Variants in SGPL1 observed in about 807,000 individuals in gnomAD.
The protein encoded by SGPL1 is SP-lyase 1.
Under a neutral mutation model 68.9 loss-of-function variants are expected in SGPL1, and 37 were observed. The ratio of observed to expected loss-of-function variants is 0.54; its 90% CI spans 0.41 to 0.71. The LOEUF is 0.71. Ranked by LOEUF, SGPL1 falls within the 30% of genes least tolerant of loss-of-function variation. The pLI, the probability that SGPL1 is intolerant of heterozygous loss-of-function variation, is 0.00. For synonymous variants in SGPL1, 236 were observed against 248.5 expected (o/e 0.95, Z 0.47); for missense variants, 551 against 704.6 (o/e 0.78, Z 2.47).
At chr10:70,848,666 T>A (rs1352523755) in intron 3 of SGPL1, among the ~76,000 whole-genome samples, 1 of 152,100 alleles carries the variant, frequency 6.6e-6, no homozygotes, top group Non-Finnish European at 1.5e-5. Context: ...GGTTTCACCA[T>A]GTTGGTCAGG....
intron 2 of SGPL1, among the ~76,000 whole-genome samples, chr10:70,835,735 CAA>C (rs66962270): frequency 4.7e-4 from 33 of 70,130 alleles, no homozygotes; most frequent in African/African-American, 1.2e-3. Flanking sequence ...GACTCCGTCT[CAA>C]AAAAAAAAAA....
rs866645975 is a variant in SGPL1, at chr10:70,857,145, T to C, written c.410-469T>C. 7 of 170,398 alleles carry C rather than the reference T, an allele frequency of 4.1e-5. No individual in the cohort carries two copies. The South Asian group carries it at 5.5e-4, about 13-fold the overall frequency. 10.6% of individuals were successfully genotyped at this position (170,398 alleles called of 1,614,324 possible). On this transcript the variant is annotated intron_variant, in intron 5 of 14. Transcript: ENST00000373202. ...GCTGGTTTCATCTCTGATGATAGTG[T>C]GCTGAAATTTCACACTTTTCATTTT...
Position 70,876,674 on chromosome 10 carries a change from G to T in SGPL1, c.1566+13G>T, listed in dbSNP as rs1846394984. The T allele has an allele frequency of 2.5e-6, 4 of 1,600,958 alleles. No individual in the cohort carries two copies. Among genetic ancestry groups the T allele is most frequent in the Non-Finnish European group, 3.4e-6 (4 of 1,176,168 alleles). On this transcript the variant is annotated intron_variant, in intron 14 of 14. Coordinates refer to ENST00000373202, the MANE Select transcript of SGPL1 (RefSeq NM_003901.4). Reference sequence around the variant, plus strand: ...GACCACAGGAATGGTAGGGACACTTGGAGTTTTTTTTCTTCTCTTGGAAAT... The same window carrying T: ...GACCACAGGAATGGTAGGGACACTTTGAGTTTTTTTTCTTCTCTTGGAAAT...
At chr10:70,860,801 C>A (rs546635860) in intron 7 of SGPL1, among the ~76,000 whole-genome samples, 23 of 152,246 alleles carry the variant, frequency 1.5e-4, no homozygotes, top group Middle Eastern at 3.4e-3. Flanking sequence ...CATTAATATT[C>A]ATAGCAATGT....
chr10:70,870,029 A>G, intron 9 of SGPL1, 132 bp downstream of exon 9: 1 of 636,276 alleles, frequency 1.6e-6, no homozygotes, highest in Non-Finnish European at 2.8e-6. Context: ...GAAAAACTGC[A>G]TTGATAGTGG....
rs571133692 is a variant in SGPL1 at position 70,871,775 on chromosome 10, T to TG, written c.910-61dup. On this transcript the variant is annotated intron_variant, in intron 10 of 14. Transcript: ENST00000373202. ...ATAGCCCATCTTTCCACCCATGTCT[T>TG]GCAGTTTTTATTATAGGGCTATAAA... 252 of 1,510,182 alleles carry TG rather than the reference T, an allele frequency of 1.7e-4. No individual in the cohort carries two copies. The African/African-American group carries it at 3.3e-3, about 20-fold the overall frequency. The allele number at this position is 1,510,182 out of a possible 1,614,324, so 93.5% of individuals were successfully genotyped here.
In SGPL1 at chr10:70,821,423, C is replaced by CTA. The variant is rs142405845; in HGVS notation, c.27+4544_27+4545dup. 8.9e-3 allele frequency among the ~76,000 whole-genome samples: 1,356 copies of CTA among 152,282 alleles called. 31 individuals are homozygous for CTA. The highest frequency in any genetic ancestry group is 0.031 in the African/African-American group (1,288 of 41,556). ...TTCTTTTCTCATCAGAAAATGATGA[C>CTA]TAAATTAGCTGATATTCATAGATGA... On this transcript the variant is annotated intron_variant, in intron 2 of 14. Transcript: ENST00000373202.
intron 2 of SGPL1, chr10:70,820,151 T>C (rs981961263): frequency 6.6e-6 from 1 of 152,242 alleles, no homozygotes; most frequent in Non-Finnish European, 1.5e-5. Context: ...TATTTAATTT[T>C]CACAAAAACC....
chr10:70,870,006 G>A, intron 9 of SGPL1, 109 bp downstream of exon 9: 1 of 766,878 alleles, frequency 1.3e-6, no homozygotes, highest in Non-Finnish European at 2.2e-6. Context: ...TTTGATTGTG[G>A]CAGCCAGAAT....
At chr10:70,833,604 G>A (rs1159964403) in intron 2 of SGPL1, among the ~76,000 whole-genome samples, 1 of 152,200 alleles carries the variant, frequency 6.6e-6, no homozygotes, top group African/African-American at 2.4e-5. Context: ...AAGTTCTGTA[G>A]ACTGTAATAT....
chr10:70,852,622 C>G (rs1190855204), intron 4 of SGPL1, among the ~76,000 whole-genome samples: 1 of 152,144 alleles, frequency 6.6e-6, no homozygotes, highest in African/African-American at 2.4e-5. Flanking sequence ...TTGGAAGATC[C>G]TTAGCTTGCC....
In SGPL1 at chr10:70,877,445, T is replaced by G. The variant is rs1846414080; in HGVS notation, c.*110T>G. ...CTGGTCTTGCTCCATAGAGCACAACTCAAGATAGACCATGAGACAGCTTGA... is the reference window on the plus strand; with the variant it reads ...CTGGTCTTGCTCCATAGAGCACAACGCAAGATAGACCATGAGACAGCTTGA... On this transcript the variant is annotated 3_prime_UTR_variant, in exon 15 of 15. Transcript: ENST00000373202. 1 of 1,009,350 alleles carries G rather than the reference T, an allele frequency of 9.9e-7. No homozygotes were observed. Among genetic ancestry groups the G allele is most frequent in the South Asian group, 1.6e-5 (1 of 63,158 alleles). The allele number at this position is 1,009,350 out of a possible 1,614,324, so 62.5% of individuals were successfully genotyped here.
Position 70,829,281 on chromosome 10 carries a change from A to G in SGPL1, c.27+12401A>G, listed in dbSNP as rs141575652. Among the ~76,000 whole-genome samples, 1,229 of 152,280 alleles carry G rather than the reference A, an allele frequency of 8.1e-3. 11 individuals carry two copies. Among genetic ancestry groups the G allele is most frequent in the Non-Finnish European group, 0.014 (973 of 68,016 alleles). On this transcript the variant is annotated intron_variant, in intron 2 of 14. Transcript: ENST00000373202. ...GTTGAAGATTAAGAGTTGACTTAAC[A>G]TCTCTCTTAGAAAACTGAGAAATAG...
chr10:70,857,757 C>T (rs1226537941), intron 6 of SGPL1, 67 bp downstream of exon 6: 1 of 1,042,980 alleles, frequency 9.6e-7, no homozygotes, highest in African/African-American at 1.6e-5. Flanking sequence ...CCTTTTTTTC[C>T]CTTACTTTTG....
At chr10:70,824,917 C>A (rs1378332227) in intron 2 of SGPL1, among the ~76,000 whole-genome samples, 3 of 151,444 alleles carry the variant, frequency 2.0e-5, no homozygotes, top group Admixed American at 2.0e-4. Context: ...AGGTAGGCAC[C>A]AAGTTATCCT....
chr10:70,857,504 A>G lies in SGPL1; in HGVS notation c.410-110A>G, dbSNP rs1845984247. 6.1e-6 allele frequency: 5 copies of G among 814,932 alleles called. No homozygotes were observed. In the Admixed American group the frequency reaches 1.0e-4, roughly 17 times the overall value. The allele number at this position is 814,932 out of a possible 1,614,324, so 50.5% of individuals were successfully genotyped here. On this transcript the variant is annotated intron_variant, in intron 5 of 14. Transcript: ENST00000373202. ...AAGAATGCTGTTGGGTTTCCACTCA[A>G]CATTTTTTTCTTTTGTATCCAGAGG...
chr10:70,862,208 G>C (rs548159633), intron 7 of SGPL1, among the ~76,000 whole-genome samples: 1 of 152,180 alleles, frequency 6.6e-6, no homozygotes, highest in African/African-American at 2.4e-5. Context: ...CTAGCTCAAG[G>C]TTTGTAAACA....
intron 4 of SGPL1, among the ~76,000 whole-genome samples, 153 bp downstream of exon 4, chr10:70,851,363 T>G (rs1479719034): frequency 6.6e-6 from 1 of 152,106 alleles, no homozygotes; most frequent in Non-Finnish European, 1.5e-5. Flanking sequence ...TTTTTGGTGG[T>G]CACAGCTTGG....
chr10:70,835,721 G>T (rs1233377785), intron 2 of SGPL1, among the ~76,000 whole-genome samples: 3 of 130,116 alleles, frequency 2.3e-5, no homozygotes, highest in Non-Finnish European at 4.8e-5. Context: ...GGGTGACAGA[G>T]CAAGACTCCG....
Sources: allele counts gnomAD v4.1 joint callset (sites outside exome capture counted in the v4.1 genomes callset), GRCh38; gene constraint gnomAD v4.1.1; transcripts MANE v1.5; gene names NCBI Gene and HGNC (gene_info 2026-07-23, HGNC 2026-07-21).